The following CHRDL2 variants were observed in gnomAD, a reference collection of about 807,000 sequenced individuals.
CHRDL2 encodes chordin like 2.
Under a neutral mutation model 54.3 loss-of-function variants are expected in CHRDL2, and 41 were observed. The ratio of observed to expected loss-of-function variants is 0.76; its 90% CI spans 0.59 to 0.98. The LOEUF (loss-of-function observed/expected upper bound fraction) is 0.98. Ranked by LOEUF, CHRDL2 falls within the 50% of genes least tolerant of loss-of-function variation. The pLI is 0.00. For synonymous variants in CHRDL2, 220 were observed against 224.3 expected (o/e 0.98, Z 0.17); for missense variants, 518 against 562.4 (o/e 0.92, Z 0.80).
intron 1 of CHRDL2, among the ~76,000 whole-genome samples, chr11:74,729,601 G>T (rs2034621752): frequency 6.6e-6 from 1 of 152,204 alleles, no homozygotes; most frequent in South Asian, 2.1e-4. Flanking sequence ...AAACAAGACC[G>T]TAACAAAGTC....
intron 7 of CHRDL2, among the ~76,000 whole-genome samples, 200 bp from the exon 8 acceptor site, chr11:74,703,699 A>C (rs1037121430): frequency 2.0e-5 from 3 of 152,242 alleles, no homozygotes; most frequent in Non-Finnish European, 4.4e-5. Context: ...CTCAGAGCTG[A>C]GATGGGCCCA....
intron 6 of CHRDL2, among the ~76,000 whole-genome samples, chr11:74,705,127 G>C (rs1227028363): frequency 6.6e-6 from 1 of 152,150 alleles, no homozygotes; most frequent in Non-Finnish European, 1.5e-5. Flanking sequence ...GAATCCCATG[G>C]GGCGTGAAGA....
intron 1 of CHRDL2, among the ~76,000 whole-genome samples, chr11:74,726,925 C>T (rs1442519095): frequency 2.0e-5 from 3 of 152,178 alleles, no homozygotes; most frequent in Admixed American, 6.5e-5. Context: ...CCCCTCTGGC[C>T]GGTCTCCCAC....
chr11:74,728,644 G>A (rs966013022), intron 1 of CHRDL2, among the ~76,000 whole-genome samples: 2 of 152,136 alleles, frequency 1.3e-5, no homozygotes, highest in Admixed American at 6.5e-5. Flanking sequence ...CAAGTAGCTG[G>A]TGACTGGAAC....
chr11:74,721,973 C>T (rs953339948), intron 1 of CHRDL2, among the ~76,000 whole-genome samples: 3 of 152,092 alleles, frequency 2.0e-5, no homozygotes, highest in Non-Finnish European at 4.4e-5. Flanking sequence ...TAGAATTGTC[C>T]AATGTTGTGG....
At chr11:74,698,631 C>CACATTTGGCATGTAGAATGAATTTGGCA (rs1554983923) in intron 9 of CHRDL2, 2 of 148,382 alleles carry the variant, frequency 1.3e-5, no homozygotes, top group African/African-American at 2.5e-5. Flanking sequence ...GAATGAATCC[C>CACATTTGGCATGTAGAATGAATTTGGCA]TGGATGGATG....
rs547049971 is a variant in CHRDL2 at position 74,710,699 on chromosome 11, A to T, written c.432+150T>A. ...CACCTGACCCAGCTAGGGACAGGAC[A>T]TTCCAAACCCCAGATATTCCCTTTC... On this transcript the variant is annotated intron_variant, in intron 4 of 10. Transcript: ENST00000376332. 4.6e-6 allele frequency: 5 copies of T among 1,091,258 alleles called. No individual in the cohort carries two copies. In the East Asian group the frequency reaches 1.1e-4, roughly 24 times the overall value. 67.6% of individuals were successfully genotyped at this position (1,091,258 alleles called of 1,614,324 possible).
At chr11:74,711,258 G>A (rs1467759830) in intron 3 of CHRDL2, among the ~76,000 whole-genome samples, 1 of 152,140 alleles carries the variant, frequency 6.6e-6, no homozygotes, top group African/African-American at 2.4e-5. Context: ...CCCAACCAGA[G>A]CAAGAAGGTA....
At position 74,708,302 on chromosome 11, in the gene CHRDL2, C is replaced by A. The variant is rs780368561; in HGVS notation, c.526G>T (p.Asp176Tyr). 1 of 1,572,242 alleles carries A rather than the reference C, an allele frequency of 6.4e-7. No homozygotes were observed. The highest frequency in any genetic ancestry group is 1.9e-5 in the Admixed American group (1 of 53,460). Residue 176 changes from aspartate to tyrosine, a missense_variant and splice_region_variant, in exon 5 of 11, where the codon GAT (aspartate) becomes TAT (tyrosine). Transcript: ENST00000376332. ...CTGCCAGATGGAGGGACAGACTCAC[C>A]TTTGCAGGCCTGGCAGCAGGAGTCT... ...LPDSCCQACKDEASEQSDEED... is the reference protein window; with the variant it reads ...LPDSCCQACKYEASEQSDEED...
intron 1 of CHRDL2, among the ~76,000 whole-genome samples, chr11:74,729,649 A>C (rs1015086668): frequency 1.3e-5 from 2 of 152,252 alleles, no homozygotes; most frequent in African/African-American, 4.8e-5. Context: ...TGCAAAAGAA[A>C]GGCATAGATG....
intron 1 of CHRDL2, among the ~76,000 whole-genome samples, chr11:74,725,727 T>C (rs1335156897): frequency 6.6e-6 from 1 of 152,050 alleles, no homozygotes; most frequent in African/African-American, 2.4e-5. Context: ...GGTCAAGACC[T>C]TGGAAAGGGC....
At chr11:74,705,876 G>C (rs1207440132) in intron 6 of CHRDL2, among the ~76,000 whole-genome samples, 1 of 152,178 alleles carries the variant, frequency 6.6e-6, no homozygotes, top group East Asian at 1.9e-4. Context: ...GCAGCCTCTA[G>C]TCTCCCGGAG....
At chr11:74,728,540 GT>G (rs2034605470) in intron 1 of CHRDL2, among the ~76,000 whole-genome samples, 1 of 151,876 alleles carries the variant, frequency 6.6e-6, no homozygotes, top group Admixed American at 6.6e-5. Flanking sequence ...TGTTGTTGTT[GT>G]TGTTGTTGTT....
Position 74,704,495 on chromosome 11 carries a change from G to A in CHRDL2, c.742C>T (p.His248Tyr), listed in dbSNP as rs371853063. The A allele has an allele frequency of 3.8e-6, 6 of 1,584,370 alleles. No homozygotes were observed. The highest frequency in any genetic ancestry group is 1.4e-5 in the African/African-American group (1 of 72,944). The change falls in exon 7 of 11, where the codon CAT (histidine) becomes TAT (tyrosine). Residue 248 changes from histidine (H) to tyrosine (Y), a missense_variant. Coordinates refer to ENST00000376332, the MANE Select transcript of CHRDL2 (RefSeq NM_001278473.3). ...TTVKIVLKEK[H>Y]KKACVHGGKT... ...AGGGTCCAGTCCCCACCTTTCTTAT[G>A]TTTCTCCTTCAGGACGATCTTGACA...
At chr11:74,704,443 C>A in intron 7 of CHRDL2, 43 bp downstream of exon 7, 3 of 1,565,662 alleles carry the variant, frequency 1.9e-6, no homozygotes, top group African/African-American at 1.4e-5. Flanking sequence ...AGTCAGGGCC[C>A]CCCTTCCCTG....
At chr11:74,728,561 A>G (rs186745713) in intron 1 of CHRDL2, among the ~76,000 whole-genome samples, 2 of 137,084 alleles carry the variant, frequency 1.5e-5, no homozygotes, top group East Asian at 4.2e-4. Flanking sequence ...TTTTTAAGAG[A>G]TGAGGTCTCA....
chr11:74,712,321 G>T (rs76059845), intron 3 of CHRDL2, among the ~76,000 whole-genome samples: 1 of 151,750 alleles, frequency 6.6e-6, no homozygotes, highest in Non-Finnish European at 1.5e-5. Flanking sequence ...GGTGAGCAGA[G>T]TCTTGAAGAA....
chr11:74,727,775 C>A (rs1042680810), intron 1 of CHRDL2, among the ~76,000 whole-genome samples: 1 of 151,972 alleles, frequency 6.6e-6, no homozygotes, highest in African/African-American at 2.4e-5. Context: ...GAAAGCAGAG[C>A]ATACTAGACA....
chr11:74,702,687 C>A, intron 9 of CHRDL2, 107 bp downstream of exon 9: 1 of 1,157,090 alleles, frequency 8.6e-7, no homozygotes, highest in East Asian at 2.4e-5. Flanking sequence ...GCGGGGCAGC[C>A]AGAGGCACCT....
Sources: gnomAD v4.1 joint callset for allele counts (sites outside exome capture counted in the v4.1 genomes callset) on GRCh38, gnomAD v4.1.1 for gene constraint, MANE v1.5 for transcripts, NCBI Gene and HGNC (gene_info 2026-07-23, HGNC 2026-07-21) for gene names.